Variants in DNAH14 observed in about 807,000 individuals in gnomAD.
The protein encoded by DNAH14 is dynein axonemal heavy chain 14.
A neutral mutation model predicts 520.9 loss-of-function variants in DNAH14; 478 were observed. That is an observed-to-expected ratio of 0.92 (90% confidence interval 0.85 to 0.99). DNAH14 has a LOEUF of 0.99. DNAH14 is among the 50% of genes least tolerant of loss of function. The pLI, the probability that DNAH14 is intolerant of heterozygous loss-of-function variation, is 0.00. For synonymous variants in DNAH14, 1,581 were observed against 1,757.2 expected (o/e 0.90, Z 2.51); for missense variants, 4,831 against 5,234.5 (o/e 0.92, Z 2.38).
chr1:224,995,941 C>A (rs1230324290), intron 8 of DNAH14, among the ~76,000 whole-genome samples: 1 of 151,864 alleles, frequency 6.6e-6, no homozygotes, highest in African/African-American at 2.4e-5. Flanking sequence ...ATATAGTTTT[C>A]TAAGTTAATT....
At chr1:225,031,439 T>C (rs1455164549) in intron 11 of DNAH14, among the ~76,000 whole-genome samples, 1 of 151,990 alleles carries the variant, frequency 6.6e-6, no homozygotes, top group East Asian at 1.9e-4. Context: ...ATTCAGTTGT[T>C]GTGACCGACC....
chr1:225,345,517 T>C (rs545692383), intron 69 of DNAH14, among the ~76,000 whole-genome samples: 7 of 152,304 alleles, frequency 4.6e-5, no homozygotes, highest in African/African-American at 1.2e-4. Context: ...ATAAATGTCA[T>C]TGGTCATGAT....
At chr1:225,126,911 T>G (rs1399500070) in intron 27 of DNAH14, among the ~76,000 whole-genome samples, 1 of 152,010 alleles carries the variant, frequency 6.6e-6, no homozygotes, top group Non-Finnish European at 1.5e-5. Flanking sequence ...TGTTGTGTCT[T>G]AGTTCTCGTT....
chr1:225,242,616 C>A (rs898710274), intron 43 of DNAH14, among the ~76,000 whole-genome samples: 2 of 152,178 alleles, frequency 1.3e-5, no homozygotes, highest in Non-Finnish European at 2.9e-5. Context: ...ACATGAAGGA[C>A]CTGCCTGAAG....
At chr1:225,204,793 C>T (rs536867845) in intron 39 of DNAH14, among the ~76,000 whole-genome samples, 10 of 152,230 alleles carry the variant, frequency 6.6e-5, no homozygotes, top group Non-Finnish European at 1.2e-4. Context: ...CTCCAGGTTG[C>T]ACCTCATGTC....
rs184708736 is a variant in DNAH14 at position 225,201,043 on chromosome 1, G to T, written c.5887-3140G>T. Among the ~76,000 whole-genome samples, 7 of 151,748 alleles carry T rather than the reference G, an allele frequency of 4.6e-5. No homozygotes were observed. The Middle Eastern group carries it at 0.01, about 224-fold the overall frequency. ...TAATCCCAGACTTCTTGGAGGCTTT[G>T]TTTATATTTTCTTCTTATTATTATT... is the stretch of plus-strand genomic sequence containing the variant. On this transcript the variant is annotated intron_variant, in intron 38 of 85. Transcript: ENST00000682510.
chr1:224,935,268 A>G (rs1376236124), intron 1 of DNAH14, among the ~76,000 whole-genome samples: 1 of 152,096 alleles, frequency 6.6e-6, no homozygotes, highest in Middle Eastern at 3.4e-3. Context: ...ACATAAATGG[A>G]TTATTCACTT....
intron 81 of DNAH14, among the ~76,000 whole-genome samples, chr1:225,387,304 G>T (rs1226249916): frequency 1.3e-5 from 2 of 152,110 alleles, no homozygotes; most frequent in African/African-American, 4.8e-5. Flanking sequence ...GTTAACGGGT[G>T]CAGCTCACCA....
At chr1:224,976,089 GAC>G (rs1477421137) in intron 8 of DNAH14, among the ~76,000 whole-genome samples, 2 of 151,864 alleles carry the variant, frequency 1.3e-5, no homozygotes, top group African/African-American at 4.8e-5. Context: ...TGGTCTGAGA[GAC>G]AGTTTGTTAT....
intron 17 of DNAH14, among the ~76,000 whole-genome samples, chr1:225,068,530 T>C (rs3128642): frequency 1 from 152,337 of 152,354 alleles, 76,160 homozygotes; most frequent in Non-Finnish European, 1. Context: ...TCTAAAATTG[T>C]TTTGGGCAGT....
rs1307893209 is a variant in DNAH14, at chr1:225,257,914, A to T, written c.6866-46A>T. 9.7e-6 allele frequency: 13 copies of T among 1,337,496 alleles called. No individual in the cohort carries two copies. In the East Asian group the frequency reaches 3.2e-4, roughly 32 times the overall value. The allele number at this position is 1,337,496 out of a possible 1,614,324, so 82.9% of individuals were successfully genotyped here. On this transcript the variant is annotated intron_variant, in intron 44 of 85. Coordinates refer to ENST00000682510, the MANE Select transcript of DNAH14 (RefSeq NM_001367479.1). ...AAAAAAAAAAAAAGATGAGGTGAAT[A>T]GTACTTTCTAGGTCATTTGAAACTT... is the stretch of plus-strand genomic sequence containing the variant.
chr1:224,951,644 A>ATTTTTTTTTT (rs67437504), intron 1 of DNAH14, among the ~76,000 whole-genome samples: 2 of 80,154 alleles, frequency 2.5e-5, no homozygotes, highest in Admixed American at 1.4e-4. Flanking sequence ...AGATTTCTGG[A>ATTTTTTTTTT]TTTTTTTTTT....
chr1:225,049,271 C>T (rs1211090154), intron 15 of DNAH14, among the ~76,000 whole-genome samples: 1 of 151,768 alleles, frequency 6.6e-6, no homozygotes, highest in Non-Finnish European at 1.5e-5. Flanking sequence ...CCATCTTGGC[C>T]ATGTTGGTCT....
At chr1:225,318,899 A>G (rs967904024) in intron 61 of DNAH14, among the ~76,000 whole-genome samples, 22 of 152,182 alleles carry the variant, frequency 1.4e-4, no homozygotes, top group African/African-American at 5.1e-4. Context: ...TGTAAGGCAT[A>G]CCAGTATTTT....
At chr1:224,975,113 C>A (rs1262698511) in intron 8 of DNAH14, among the ~76,000 whole-genome samples, 1 of 151,716 alleles carries the variant, frequency 6.6e-6, no homozygotes, top group Non-Finnish European at 1.5e-5. Context: ...TGATGTGCTG[C>A]TGGATTCGGT....
rs765937472 is a variant in DNAH14, at chr1:225,152,013, TG to T, written c.4951del (p.Glu1651LysfsTer17). ...AKDNYSARFV[L>X]EGKEIRINMS... is the part of the protein sequence containing the mutation. ...ACTGTAATGTCTTTTAGGTTTGTACTGGAAGGAAAAGAAATTCGTATCAATA... is the reference window on the plus strand; with the variant it reads ...ACTGTAATGTCTTTTAGGTTTGTACTGAAGGAAAAGAAATTCGTATCAATA... On this transcript the variant is annotated frameshift_variant, in exon 32 of 86. Transcript: ENST00000682510. LOFTEE classifies it high-confidence loss of function. 6 of 1,551,504 alleles carry T rather than the reference TG, an allele frequency of 3.9e-6. No homozygotes were observed. The African/African-American group carries it at 8.2e-5, about 21-fold the overall frequency.
intron 45 of DNAH14, among the ~76,000 whole-genome samples, 158 bp from the exon 46 acceptor site, chr1:225,258,963 T>C (rs186005478): frequency 6.6e-6 from 1 of 152,304 alleles, no homozygotes. Context: ...AACTTCCTCA[T>C]TTAACCACTC....
chr1:225,374,096 G>T (rs533107083), intron 77 of DNAH14, among the ~76,000 whole-genome samples: 1 of 121,700 alleles, frequency 8.2e-6, no homozygotes, highest in Non-Finnish European at 1.7e-5. Context: ...GCAACAGAGT[G>T]AGACCCTGTC....
At chr1:225,388,894 A>G (rs2095872344) in intron 82 of DNAH14, among the ~76,000 whole-genome samples, 1 of 151,878 alleles carries the variant, frequency 6.6e-6, no homozygotes, top group African/African-American at 2.4e-5. Flanking sequence ...CTCCTGCCTC[A>G]GGGATTATGG....
Sources: allele counts gnomAD v4.1 joint callset (sites outside exome capture counted in the v4.1 genomes callset), GRCh38; gene constraint gnomAD v4.1.1; transcripts MANE v1.5; gene names NCBI Gene and HGNC (gene_info 2026-07-23, HGNC 2026-07-21).